The following BCL11B variants were observed in gnomAD, a reference collection of about 807,000 sequenced individuals.
BCL11B encodes B-cell lymphoma/leukemia 11B.
Under a neutral mutation model 49.9 loss-of-function variants are expected in BCL11B, and 8 were observed. That is an observed-to-expected ratio of 0.16 (90% CI 0.09 to 0.29). BCL11B has a LOEUF of 0.29. Ranked by LOEUF, BCL11B falls within the 10% of genes least tolerant of loss-of-function variation. The pLI, the probability that BCL11B is intolerant of heterozygous loss-of-function variation, is 1.00. For missense variants in BCL11B, 1,006 were observed against 1,351.0 expected (o/e 0.74, Z 4.00); for synonymous variants, 739 against 637.4 (o/e 1.16, Z -2.40).
In BCL11B at chr14:99,195,089, A is replaced by G. The variant is rs143827730; in HGVS notation, c.641-18894T>C. On this transcript the variant is annotated intron_variant, in intron 3 of 3. Transcript: ENST00000357195. This position sits in a 1 kb window ranked among gnomAD's most constrained non-coding sequence, Gnocchi z 4.7. ...GGGCTTCCTGAGGTCGCACAGCCCA[A>G]GGATGAGGCTGGCGCAGGAACTCGA... Among the ~76,000 whole-genome samples, 1 of 152,222 alleles carries G rather than the reference A, an allele frequency of 6.6e-6. No homozygotes were observed. The highest frequency in any genetic ancestry group is 2.4e-5 in the African/African-American group (1 of 41,466).
intron 1 of BCL11B, among the ~76,000 whole-genome samples, chr14:99,269,522 C>A (rs930339924): frequency 7.5e-6 from 1 of 132,656 alleles, no homozygotes; most frequent in African/African-American, 2.5e-5. Flanking sequence ...TATTCCCCCC[C>A]CCCCAAAAAA....
At chr14:99,270,670 G>A (rs1889643259) in intron 1 of BCL11B, among the ~76,000 whole-genome samples, 1 of 151,816 alleles carries the variant, frequency 6.6e-6, no homozygotes, top group African/African-American at 2.4e-5. Context: ...GGCTCCCCCA[G>A]CCGGAACGCA....
At chr14:99,218,061 G>GTTTTTTT (rs35487573) in intron 3 of BCL11B, among the ~76,000 whole-genome samples, 4 of 116,920 alleles carry the variant, frequency 3.4e-5, no homozygotes, top group Non-Finnish European at 5.4e-5. Flanking sequence ...ATCATTGCAG[G>GTTTTTTT]TTTTTTTTTT....
At chr14:99,233,828 A>T (rs74080374) in intron 2 of BCL11B, among the ~76,000 whole-genome samples, 1 of 152,248 alleles carries the variant, frequency 6.6e-6, no homozygotes, top group African/African-American at 2.4e-5. Context: ...CTCATTAGCA[A>T]TTGTGACCTT....
intron 3 of BCL11B, among the ~76,000 whole-genome samples, chr14:99,201,827 G>A (rs893105420): frequency 6.6e-6 from 1 of 152,080 alleles, no homozygotes; most frequent in Non-Finnish European, 1.5e-5. Context: ...ACCATCCCTC[G>A]GTGCCTCACA....
At chr14:99,181,786 C>T (rs1357970806) in intron 3 of BCL11B, among the ~76,000 whole-genome samples, 1 of 152,206 alleles carries the variant, frequency 6.6e-6, no homozygotes, top group Non-Finnish European at 1.5e-5. Flanking sequence ...AACCAGATCC[C>T]AGGGCCCCCT....
chr14:99,200,057 A>G, intron 3 of BCL11B, among the ~76,000 whole-genome samples: 1 of 151,244 alleles, frequency 6.6e-6, no homozygotes, highest in East Asian at 1.9e-4. Flanking sequence ...TGACTTCTCC[A>G]TCCCTCGGCT....
intron 1 of BCL11B, among the ~76,000 whole-genome samples, chr14:99,261,859 G>A (rs939674411): frequency 6.6e-6 from 1 of 151,986 alleles, no homozygotes; most frequent in African/African-American, 2.4e-5. Flanking sequence ...ATCCTAAAGT[G>A]CAGGGACAAA....
chr14:99,182,979 T>TGAAAG (rs1886751448), intron 3 of BCL11B, among the ~76,000 whole-genome samples: 4 of 152,206 alleles, frequency 2.6e-5, no homozygotes, highest in African/African-American at 9.7e-5. Context: ...CTTTCATTAA[T>TGAAAG]TCACTGAACA....
intron 1 of BCL11B, among the ~76,000 whole-genome samples, chr14:99,261,214 G>T (rs557770880): frequency 6.6e-6 from 1 of 152,122 alleles, no homozygotes; most frequent in Non-Finnish European, 1.5e-5. Flanking sequence ...GGACCAAGTG[G>T]GCCTGAAAGC....
intron 3 of BCL11B, among the ~76,000 whole-genome samples, chr14:99,199,675 T>TGCGCGCGC (rs1385773935): frequency 5.9e-5 from 5 of 84,782 alleles, no homozygotes; most frequent in African/African-American, 2.3e-4. Context: ...TGTGTGTGTG[T>TGCGCGCGC]GTGTGTGTGC....
At chr14:99,234,537 GATTCAA>G (rs763409788) in intron 2 of BCL11B, among the ~76,000 whole-genome samples, 8 of 152,134 alleles carry the variant, frequency 5.3e-5, no homozygotes, top group Non-Finnish European at 1.0e-4. Flanking sequence ...GAGAGGACTG[GATTCAA>G]ATTCCTCCTC....
At chr14:99,239,875 G>A (rs75521152) in intron 2 of BCL11B, among the ~76,000 whole-genome samples, 2,562 of 152,258 alleles carry the variant, frequency 0.017, 40 homozygotes, top group Middle Eastern at 0.088. Flanking sequence ...GCTGAGCTGC[G>A]AGAATCCCGG....
chr14:99,242,315 C>G lies in BCL11B; in HGVS notation c.428-10758G>C, dbSNP rs1209806054. ...CTGCTTCCCTACCTTTTCTCGCAAA[C>G]CATGTGGGCTGGGTACAGCGACAGG... On this transcript the variant is annotated intron_variant, in intron 2 of 3. Coordinates refer to ENST00000357195, the MANE Select transcript of BCL11B (RefSeq NM_138576.4). The surrounding 1 kb of genome is among the most constrained non-coding windows in gnomAD (Gnocchi z 4.4). Among the ~76,000 whole-genome samples, 1 of 152,220 alleles carries G rather than the reference C, an allele frequency of 6.6e-6. No individual in the cohort carries two copies. The highest frequency in any genetic ancestry group is 1.5e-5 in the Non-Finnish European group (1 of 68,052).
At chr14:99,221,436 C>T (rs1257446) in intron 3 of BCL11B, among the ~76,000 whole-genome samples, 102,881 of 152,204 alleles carry the variant, frequency 0.68, 35,136 homozygotes, top group Admixed American at 0.73. Flanking sequence ...CTGAGCGCCA[C>T]GATCCCTTCC....
In BCL11B at chr14:99,174,717, C is replaced by A. The variant is rs1886413274; in HGVS notation, c.2119G>T (p.Val707Leu). Residue 707 changes from valine (V) to leucine (L), a missense_variant, in exon 4 of 4, where the codon GTG becomes TTG. Physicochemically the swap from Val to Leu is conservative, Grantham distance 32. Around this residue, in one of 6 missense-constraint regions of BCL11B, gnomAD observed 443 missense variants for 499.7 expected, o/e 0.89. Transcript: ENST00000357195. ...PPAALIPSENVYSQWLVGYAA... is the reference protein window; with the variant it reads ...PPAALIPSENLYSQWLVGYAA... ...TAGCCCACCAGCCACTGCGAGTACA[C>A]GTTCTCGGACGGGATGAGCGCGGCG... 2 of 1,557,316 alleles carry A rather than the reference C, an allele frequency of 1.3e-6. No homozygotes were observed. The highest frequency in any genetic ancestry group is 1.2e-5 in the South Asian group (1 of 86,192).
rs992851286 is a variant in BCL11B, at chr14:99,255,426, A to C, written c.427+2045T>G. Among the ~76,000 whole-genome samples the C allele has an allele frequency of 3.9e-4, 58 of 150,074 alleles. 1 individual carries two copies. The highest frequency in any genetic ancestry group is 1.1e-3 in the South Asian group (5 of 4,748). The stretch of plus-strand genomic sequence containing the variant: ...CCTGGAAAAAAAAAAAAAAAAAAAA[A>C]AAAAAAAAACAGGGGGGCCAGGGGG... On this transcript the variant is annotated intron_variant, in intron 2 of 3. Coordinates refer to ENST00000357195, the MANE Select transcript of BCL11B (RefSeq NM_138576.4).
chr14:99,218,653 A>G (rs759759513), intron 3 of BCL11B, among the ~76,000 whole-genome samples: 20 of 152,212 alleles, frequency 1.3e-4, no homozygotes, highest in Admixed American at 2.6e-4. Context: ...ACCTCAGTTC[A>G]CCGAGACCAG....
chr14:99,250,763 TTC>T (rs1888985602), intron 2 of BCL11B, among the ~76,000 whole-genome samples: 1 of 152,226 alleles, frequency 6.6e-6, no homozygotes, highest in Non-Finnish European at 1.5e-5. Flanking sequence ...CCAGCTGCCT[TTC>T]TCTCTTTTTC....
Sources: gnomAD v4.1 joint callset for allele counts (sites outside exome capture counted in the v4.1 genomes callset) on GRCh38, gnomAD v4.1.1 for gene constraint, gnomAD v4.1.1 regional missense constraint, Gnocchi (gnomAD v3.1) non-coding constraint, MANE v1.5 for transcripts, NCBI Gene and HGNC (gene_info 2026-07-23, HGNC 2026-07-21) for gene names.